The following FAM120A variants were observed in gnomAD, a reference collection of about 807,000 sequenced individuals.
The protein encoded by FAM120A is family with sequence similarity 120 member A.
Under a neutral mutation model 109.7 loss-of-function variants are expected in FAM120A, and 15 were observed. The observed-to-expected ratio is 0.14, with a 90% confidence interval of 0.09 to 0.21. FAM120A has a LOEUF of 0.21. Among genes scored for constraint, FAM120A ranks in the 10% least tolerant of loss-of-function variants. The pLI is 1.00. For synonymous variants in FAM120A, 493 were observed against 572.8 expected, an observed-to-expected ratio of 0.86 and a Z score of 1.99; for missense variants, 899 against 1,439.3, an observed-to-expected ratio of 0.62 and a Z score of 6.07.
In FAM120A at chr9:93,515,033, T is replaced by C. The variant is rs181444331; in HGVS notation, c.1031-634T>C. On this transcript the variant is annotated intron_variant, in intron 5 of 17. Coordinates refer to ENST00000277165, the MANE Select transcript of FAM120A (RefSeq NM_014612.5). ...GATGACTAGCACATGGCAGCACACA[T>C]CAGGCAGGTTTATGAAATTATGTTT... Among the ~76,000 whole-genome samples, 390 of 152,140 alleles carry C rather than the reference T, an allele frequency of 2.6e-3. 1 individual carries two copies. The highest frequency in any genetic ancestry group is 1.8e-3 in the Non-Finnish European group (121 of 67,950).
rs572788098 is a variant in FAM120A, at chr9:93,558,776, C to T, written c.2806+58C>T. 4.7e-5 allele frequency: 74 copies of T among 1,585,516 alleles called. No homozygotes were observed. In the East Asian group the frequency reaches 4.7e-4, roughly 10 times the overall value. The stretch of plus-strand genomic sequence containing the variant: ...CCTGCCAGCACTTCCTTCGCTCCAT[C>T]GTCTGGCGCCTTCCTTCCTCTACTG... On this transcript the variant is annotated intron_variant, in intron 15 of 17. Coordinates refer to ENST00000277165, the MANE Select transcript of FAM120A (RefSeq NM_014612.5).
rs1172639151 is a variant in FAM120A, at chr9:93,558,656, C to A, written c.2744C>A (p.Ala915Glu). ...GPYRAFRVAA[A>E]SGHCGAFSGS... ...TACCGTGCCTTCCGTGTGGCGGCAG[C>A]ATCGGGACACTGCGGAGCCTTCTCA... The change falls in exon 15 of 18, where the codon GCA (alanine) becomes GAA (glutamate). Residue 915 changes from alanine (A) to glutamate (E), a missense_variant. Around this residue, in one of 11 missense-constraint regions of FAM120A, gnomAD observed 129 missense variants for 153.4 expected, o/e 0.84. Coordinates refer to ENST00000277165, the MANE Select transcript of FAM120A (RefSeq NM_014612.5). 1 of 1,614,182 alleles carries A rather than the reference C, an allele frequency of 6.2e-7. No homozygotes were observed. The highest frequency in any genetic ancestry group is 2.2e-5 in the East Asian group (1 of 44,888).
At chr9:93,481,001 C>T (rs1858775901) in intron 3 of FAM120A, among the ~76,000 whole-genome samples, 1 of 152,224 alleles carries the variant, frequency 6.6e-6, no homozygotes, top group Non-Finnish European at 1.5e-5. Context: ...GGGCTCCAGT[C>T]CCAAGCCCAG....
intron 3 of FAM120A, among the ~76,000 whole-genome samples, chr9:93,497,121 C>G (rs1476960334): frequency 6.6e-6 from 1 of 152,164 alleles, no homozygotes; most frequent in Non-Finnish European, 1.5e-5. Flanking sequence ...TCTCTCTGGG[C>G]TGCTTTGTGC....
At chr9:93,484,058 CA>C (rs1050828159) in intron 3 of FAM120A, among the ~76,000 whole-genome samples, 40 of 150,148 alleles carry the variant, frequency 2.7e-4, no homozygotes, top group South Asian at 6.3e-4. Context: ...TTTTAAGAGA[CA>C]GGGTCTTGCT....
intron 3 of FAM120A, 56 bp downstream of exon 3, chr9:93,476,394 A>G (rs1254942469): frequency 1.7e-6 from 2 of 1,178,512 alleles, no homozygotes; most frequent in Non-Finnish European, 2.5e-6. Flanking sequence ...TGAGTTTGCT[A>G]TTACTTTAAT....
chr9:93,545,663 ACAAATGTTAAGGC>A (rs1303359155), intron 11 of FAM120A, among the ~76,000 whole-genome samples: 1 of 152,164 alleles, frequency 6.6e-6, no homozygotes, highest in Non-Finnish European at 1.5e-5. Flanking sequence ...TAAATTTATA[ACAAATGTTAAGGC>A]CAATAACTTA....
intron 10 of FAM120A, among the ~76,000 whole-genome samples, chr9:93,537,365 A>G (rs1861551651): frequency 6.6e-6 from 1 of 152,246 alleles, no homozygotes; most frequent in African/African-American, 2.4e-5. Context: ...ATACCCAGCT[A>G]TAATTGAAGA....
intron 15 of FAM120A, among the ~76,000 whole-genome samples, chr9:93,560,021 C>T (rs1188216116): frequency 3.3e-5 from 5 of 152,180 alleles, no homozygotes; most frequent in African/African-American, 7.2e-5. Context: ...GGGCCAGGCA[C>T]AGTGGCTCAT....
chr9:93,470,996 A>T, intron 1 of FAM120A, 145 bp from the exon 2 acceptor site: 2 of 946,706 alleles, frequency 2.1e-6, no homozygotes, highest in Non-Finnish European at 3.2e-6. Flanking sequence ...TGCAAACTTT[A>T]TTATGGCATT....
intron 16 of FAM120A, among the ~76,000 whole-genome samples, chr9:93,561,592 G>A (rs993092218): frequency 6.6e-6 from 1 of 152,026 alleles, no homozygotes; most frequent in South Asian, 2.1e-4. Context: ...ACAGGGTTTC[G>A]CCATGTTGCC....
intron 3 of FAM120A, among the ~76,000 whole-genome samples, chr9:93,482,640 C>T (rs1281762112): frequency 6.6e-6 from 1 of 152,146 alleles, no homozygotes; most frequent in South Asian, 2.1e-4. Context: ...AGGAGGGTAG[C>T]ATCAGGATCT....
At position 93,529,571 on chromosome 9, in the gene FAM120A, C is replaced by T. The variant is rs779925136; in HGVS notation, c.1725C>T (p.Val575=). 1.9e-6 allele frequency: 3 copies of T among 1,614,196 alleles called. No individual in the cohort carries two copies. The South Asian group carries it at 3.3e-5, about 18-fold the overall frequency. ...KGLMYPYIFH[V]LTKGEIKIAV... ...TGATGTACCCCTACATCTTCCATGT[C>T]CTGACGAAGGTATTATCAAAGGGGC... Residue 575 remains valine, a synonymous_variant, in exon 9 of 18, where the codon GTC becomes GTT. Coordinates refer to ENST00000277165, the MANE Select transcript of FAM120A (RefSeq NM_014612.5).
In FAM120A at chr9:93,545,780, CTTTTTTTT is replaced by C. The variant is rs774150537; in HGVS notation, c.2159+2328_2159+2335del. On this transcript the variant is annotated intron_variant, in intron 11 of 17. Transcript: ENST00000277165. ...GAAGACTGGCTGATGGGAAAGACTC[CTTTTTTTT>C]TTTTTTTTTTTTTTTTTTGAGACGG... Among the ~76,000 whole-genome samples the C allele has an allele frequency of 1.3e-3, 88 of 65,506 alleles. 3 individuals carry two copies. The highest frequency in any genetic ancestry group is 3.0e-3 in the African/African-American group (49 of 16,092). 43.0% of individuals were successfully genotyped at this position (65,506 alleles called of 152,430 possible). A position where few individuals can be genotyped will look rare whatever the true frequency, so the allele number is the denominator to read the frequency against.
intron 11 of FAM120A, among the ~76,000 whole-genome samples, chr9:93,546,231 A>G (rs1206926131): frequency 6.6e-6 from 1 of 152,126 alleles, no homozygotes; most frequent in Non-Finnish European, 1.5e-5. Flanking sequence ...GCAATAATGA[A>G]TTTGATTACT....
intron 7 of FAM120A, among the ~76,000 whole-genome samples, chr9:93,519,146 C>T (rs1453352462): frequency 6.6e-6 from 1 of 152,098 alleles, no homozygotes; most frequent in East Asian, 1.9e-4. Context: ...CAGTGGGTCT[C>T]CGGACAGTCA....
At chr9:93,529,296 A>G (rs2131466137) in intron 8 of FAM120A, 57 bp from the exon 9 acceptor site, 1 of 1,462,068 alleles carries the variant, frequency 6.8e-7, no homozygotes, top group Middle Eastern at 1.8e-4. Context: ...CCATACTTTA[A>G]ATGAATGAAA....
Position 93,498,012 on chromosome 9 carries a change from TTTC to T in FAM120A, c.933+419_933+421del, listed in dbSNP as rs1380898532. ...TTTTCTTCAGGTGATTGTCAGGGAT[TTTC>T]TTCTTTTTTGGGGAAGTAGGTGTGC... is the stretch of plus-strand genomic sequence containing the variant. On this transcript the variant is annotated intron_variant, in intron 4 of 17. Coordinates refer to ENST00000277165, the MANE Select transcript of FAM120A (RefSeq NM_014612.5). This position sits in a 1 kb window ranked among gnomAD's most constrained non-coding sequence, Gnocchi z 4.4. Among the ~76,000 whole-genome samples, 1 of 152,200 alleles carries T rather than the reference TTTC, an allele frequency of 6.6e-6. No individual in the cohort carries two copies. The highest frequency in any genetic ancestry group is 1.5e-5 in the Non-Finnish European group (1 of 68,040).
At chr9:93,471,001 G>A (rs1188802680) in intron 1 of FAM120A, 140 bp from the exon 2 acceptor site, 3 of 979,990 alleles carry the variant, frequency 3.1e-6, no homozygotes, top group Non-Finnish European at 4.5e-6. Flanking sequence ...ACTTTATTAT[G>A]GCATTTTTTT....
Sources: allele counts gnomAD v4.1 joint callset (sites outside exome capture counted in the v4.1 genomes callset), GRCh38; gene constraint gnomAD v4.1.1; regional missense constraint gnomAD v4.1.1; non-coding constraint Gnocchi (gnomAD v3.1); transcripts MANE v1.5; gene names NCBI Gene and HGNC (gene_info 2026-07-23, HGNC 2026-07-21).